NEGR1: variants seen among roughly 807,000 people sequenced by gnomAD.
NEGR1 encodes the protein IgLON family member 4.
Under a neutral mutation model 40.9 loss-of-function variants are expected in NEGR1, and 10 were observed. The observed-to-expected ratio is 0.24, with a 90% CI of 0.15 to 0.42. The LOEUF (loss-of-function observed/expected upper bound fraction) is 0.42, where lower values mean the gene tolerates loss of function less well. Ranked by LOEUF, NEGR1 falls within the 10% of genes least tolerant of loss-of-function variation. NEGR1 has a pLI of 1.00. For synonymous variants in NEGR1, 185 were observed against 166.8 expected (o/e 1.11, Z -0.84); for missense variants, 352 against 438.9 (o/e 0.80, Z 1.77).
At chr1:72,122,667 C>T (rs893999828) in intron 1 of NEGR1, among the ~76,000 whole-genome samples, 2 of 151,836 alleles carry the variant, frequency 1.3e-5, no homozygotes, top group African/African-American at 4.8e-5. Context: ...AAAATATCAG[C>T]ATGTCATAAA....
At chr1:71,439,960 G>C (rs1477070243) in intron 6 of NEGR1, 1 of 151,720 alleles carries the variant, frequency 6.6e-6, no homozygotes, top group Admixed American at 6.6e-5. Flanking sequence ...CTTAGCACTT[G>C]TGTTCATTTC....
At chr1:71,839,151 T>C (rs1262117694) in intron 2 of NEGR1, among the ~76,000 whole-genome samples, 1 of 120,784 alleles carries the variant, frequency 8.3e-6, no homozygotes, top group Non-Finnish European at 1.7e-5. Flanking sequence ...TCCTTGAAGA[T>C]AATTGAGAAA....
At chr1:71,785,096 C>A (rs1374664926) in intron 2 of NEGR1, among the ~76,000 whole-genome samples, 2 of 152,174 alleles carry the variant, frequency 1.3e-5, no homozygotes, top group African/African-American at 4.8e-5. Flanking sequence ...TGCTGTACCT[C>A]AGGCTTGCTT....
intron 1 of NEGR1, among the ~76,000 whole-genome samples, chr1:72,130,927 C>T (rs183391018): frequency 1.6e-4 from 24 of 151,964 alleles, no homozygotes; most frequent in Non-Finnish European, 2.9e-4. Context: ...GAAGGATTAA[C>T]GGATGAGGAA....
intron 1 of NEGR1, among the ~76,000 whole-genome samples, chr1:72,040,714 C>T (rs1448095342): frequency 1.3e-5 from 2 of 149,284 alleles, no homozygotes; most frequent in African/African-American, 4.9e-5. Flanking sequence ...ATGACTATTT[C>T]AAGGTTCTTG....
chr1:71,437,537 C>T (rs1646517797), intron 6 of NEGR1, among the ~76,000 whole-genome samples: 1 of 152,000 alleles, frequency 6.6e-6, no homozygotes. Flanking sequence ...AAAAAGCTAA[C>T]ATATCAGCAA....
At chr1:72,239,684 T>C (rs1654672511) in intron 1 of NEGR1, among the ~76,000 whole-genome samples, 1 of 151,826 alleles carries the variant, frequency 6.6e-6, no homozygotes. Flanking sequence ...GGATAGTATT[T>C]ACCTGAAAAT....
chr1:71,715,657 G>A (rs1355792920), intron 3 of NEGR1, among the ~76,000 whole-genome samples: 6 of 152,048 alleles, frequency 3.9e-5, no homozygotes, highest in African/African-American at 1.2e-4. Context: ...AGATCTCGAG[G>A]GCAGGGGGAA....
chr1:71,942,036 A>G (rs914243492), intron 1 of NEGR1, among the ~76,000 whole-genome samples: 75 of 152,062 alleles, frequency 4.9e-4, no homozygotes, highest in African/African-American at 1.7e-3. Context: ...TTTATTTTCA[A>G]AATGGGAGTT....
intron 6 of NEGR1, among the ~76,000 whole-genome samples, chr1:71,582,638 T>A (rs1001467090): frequency 6.6e-6 from 1 of 152,108 alleles, no homozygotes; most frequent in African/African-American, 2.4e-5. Flanking sequence ...AAAACAAATA[T>A]GAAAACAAGG....
At chr1:71,885,572 T>G (rs1200699033) in intron 2 of NEGR1, among the ~76,000 whole-genome samples, 1 of 152,158 alleles carries the variant, frequency 6.6e-6, no homozygotes, top group Non-Finnish European at 1.5e-5. Context: ...CTGGGTGAAT[T>G]AAAAAACACG....
At chr1:72,225,324 A>G (rs942200516) in intron 1 of NEGR1, among the ~76,000 whole-genome samples, 2 of 152,026 alleles carry the variant, frequency 1.3e-5, no homozygotes, top group African/African-American at 4.8e-5. Context: ...TTTGAATTAA[A>G]TGAGGTAAGA....
At chr1:72,151,640 G>A (rs1651128083) in intron 1 of NEGR1, among the ~76,000 whole-genome samples, 2 of 151,692 alleles carry the variant, frequency 1.3e-5, no homozygotes, top group African/African-American at 4.8e-5. Flanking sequence ...AATGCAATAA[G>A]AGAAGTCAAC....
chr1:72,110,978 C>T (rs1649342164), intron 1 of NEGR1, among the ~76,000 whole-genome samples: 1 of 151,212 alleles, frequency 6.6e-6, no homozygotes, highest in Non-Finnish European at 1.5e-5. Flanking sequence ...TTATTATATC[C>T]TACTTCATGC....
intron 2 of NEGR1, among the ~76,000 whole-genome samples, chr1:71,846,383 CCA>C (rs370237362): frequency 0.042 from 5,458 of 130,570 alleles, 264 homozygotes; most frequent in African/African-American, 0.12. Context: ...ACCCACCCAC[CCA>C]CACACACACA....
intron 1 of NEGR1, among the ~76,000 whole-genome samples, chr1:72,032,831 T>G (rs1159746096): frequency 6.6e-6 from 1 of 152,122 alleles, no homozygotes; most frequent in Non-Finnish European, 1.5e-5. Flanking sequence ...GCAATTTAGT[T>G]AAATACTTTG....
chr1:71,598,022 T>C (rs1249623342), intron 5 of NEGR1, among the ~76,000 whole-genome samples: 1 of 152,126 alleles, frequency 6.6e-6, no homozygotes, highest in Non-Finnish European at 1.5e-5. Flanking sequence ...TATCAACAAA[T>C]CTTCACAGCA....
intron 6 of NEGR1, among the ~76,000 whole-genome samples, chr1:71,497,555 A>T (rs1448614676): frequency 6.6e-6 from 1 of 152,074 alleles, no homozygotes; most frequent in East Asian, 1.9e-4. Flanking sequence ...GATTCCCAGG[A>T]TAGAATTGGT....
chr1:72,125,181 C>T (rs997923276), intron 1 of NEGR1, among the ~76,000 whole-genome samples: 2 of 151,858 alleles, frequency 1.3e-5, no homozygotes, highest in Non-Finnish European at 2.9e-5. Context: ...ATTCAAAGTT[C>T]GTATCTATCT....
Sources: allele counts gnomAD v4.1 joint callset (sites outside exome capture counted in the v4.1 genomes callset), GRCh38; gene constraint gnomAD v4.1.1; transcripts MANE v1.5; gene names NCBI Gene and HGNC (gene_info 2026-07-23, HGNC 2026-07-21).